Variants in C1D observed in about 807,000 individuals in gnomAD.
C1D encodes the protein C1D nuclear receptor corepressor, also known as nuclear nucleic acid-binding protein C1D.
Under a neutral mutation model 17.5 loss-of-function variants are expected in C1D, and 10 were observed. The observed-to-expected ratio is 0.57, with a 90% CI of 0.35 to 0.97. The LOEUF (loss-of-function observed/expected upper bound fraction) is 0.97, where lower values mean the gene tolerates loss of function less well. Among genes scored for constraint, C1D ranks in the 50% least tolerant of loss-of-function variants. The probability of loss-of-function intolerance (pLI) is 0.01; values close to 1 mark genes in which losing one functional copy is unlikely to be tolerated. For missense variants in C1D, 136 were observed against 160.1 expected (o/e 0.85, Z 0.81); for synonymous variants, 49 against 54.0 (o/e 0.91, Z 0.40).
chr2:68,054,136 C>T lies in C1D; in HGVS notation c.-9-6817G>A, dbSNP rs112488360. ...ATTTGCCCAAGACAGTTCCACCTTA[C>T]GCCTGTTGTTTCAGCTTGCCATCAA... On this transcript the variant is annotated intron_variant, in intron 1 of 4. Transcript: ENST00000410067. 3.4e-3 allele frequency among the ~76,000 whole-genome samples: 511 copies of T among 152,328 alleles called. 2 individuals carry two copies. The highest frequency in any genetic ancestry group is 0.012 in the African/African-American group (487 of 41,578).
At chr2:68,061,294 T>C (rs1206554608) in intron 1 of C1D, among the ~76,000 whole-genome samples, 1 of 152,224 alleles carries the variant, frequency 6.6e-6, no homozygotes, top group Non-Finnish European at 1.5e-5. Flanking sequence ...TCCATGTTAG[T>C]GTTGTCTGTA....
intron 1 of C1D, among the ~76,000 whole-genome samples, chr2:68,049,006 G>A (rs1224237257): frequency 6.6e-6 from 1 of 152,068 alleles, no homozygotes; most frequent in Non-Finnish European, 1.5e-5. Flanking sequence ...AGACCAGCCT[G>A]GCCAACATAG....
chr2:68,046,044 C>G lies in C1D; in HGVS notation c.206-1G>C. ...TTAACTCCTTGGGTTGCCAAATAAA[C>G]TACAAGAGAAAAATTTCATGGAATA... On this transcript the variant is annotated splice_acceptor_variant, in intron 3 of 4. Transcript: ENST00000410067. LOFTEE classifies it high-confidence loss of function. 1 of 1,574,560 alleles carries G rather than the reference C, an allele frequency of 6.4e-7. No homozygotes were observed. The highest frequency in any genetic ancestry group is 8.6e-7 in the Non-Finnish European group (1 of 1,158,280).
chr2:68,055,961 T>C (rs1265956831), intron 1 of C1D, among the ~76,000 whole-genome samples: 8 of 152,194 alleles, frequency 5.3e-5, no homozygotes, highest in South Asian at 2.1e-4. Flanking sequence ...CTCCATTACA[T>C]CTCATTTCAA....
In C1D at chr2:68,041,193, T is replaced by C. The variant is rs1314790509; in HGVS notation, c.*1696A>G. 1 of 151,996 alleles carries C rather than the reference T, an allele frequency of 6.6e-6. No homozygotes were observed. The highest frequency in any genetic ancestry group is 1.5e-5 in the Non-Finnish European group (1 of 67,862). 9.4% of individuals were successfully genotyped at this position (151,996 alleles called of 1,614,324 possible). Reference sequence around the variant, plus strand: ...AAATTATACATAATAAAATGGAATATACTCAAACTTTTATTTCTACCTAAT... The same window carrying C: ...AAATTATACATAATAAAATGGAATACACTCAAACTTTTATTTCTACCTAAT... On this transcript the variant is annotated 3_prime_UTR_variant, in exon 5 of 5. Coordinates refer to ENST00000410067, the MANE Select transcript of C1D (RefSeq NM_173177.3).
rs1400436344 is a variant in C1D at position 68,042,267 on chromosome 2, T to C, written c.*622A>G. The C allele has an allele frequency of 6.6e-6, 1 of 152,574 alleles. No homozygotes were observed. The highest frequency in any genetic ancestry group is 1.5e-5 in the Non-Finnish European group (1 of 67,976). The allele number at this position is 152,574 out of a possible 1,614,324, so 9.5% of individuals were successfully genotyped here. On this transcript the variant is annotated 3_prime_UTR_variant, in exon 5 of 5. Transcript: ENST00000410067. ...TCATGCCAAAATTCATCCATCAACATACAACCTTATTTCCCATCTAAAGTT... is the reference window on the plus strand; with the variant it reads ...TCATGCCAAAATTCATCCATCAACACACAACCTTATTTCCCATCTAAAGTT...
intron 4 of C1D, among the ~76,000 whole-genome samples, chr2:68,045,315 A>G (rs564672239): frequency 6.6e-6 from 1 of 152,322 alleles, no homozygotes; most frequent in African/African-American, 2.4e-5. Flanking sequence ...CTTATTCATA[A>G]AACCAAGTCA....
intron 1 of C1D, among the ~76,000 whole-genome samples, chr2:68,060,095 T>A (rs780818806): frequency 3.9e-5 from 6 of 152,226 alleles, no homozygotes; most frequent in Non-Finnish European, 5.9e-5. Flanking sequence ...CTTCTTCTAG[T>A]TGCTCAAGCC....
chr2:68,059,149 CAGG>C (rs1353791317), intron 1 of C1D, among the ~76,000 whole-genome samples: 1 of 152,206 alleles, frequency 6.6e-6, no homozygotes, highest in African/African-American at 2.4e-5. Flanking sequence ...TGTGACAGGG[CAGG>C]AGAAGTGGCA....
intron 1 of C1D, among the ~76,000 whole-genome samples, chr2:68,058,438 C>T (rs757219560): frequency 6.6e-6 from 1 of 152,274 alleles, no homozygotes; most frequent in East Asian, 1.9e-4. Context: ...AGAAAGCACT[C>T]GATGACAGAG....
chr2:68,060,084 CCTT>C (rs1305362943), intron 1 of C1D, among the ~76,000 whole-genome samples: 3 of 152,210 alleles, frequency 2.0e-5, no homozygotes, highest in South Asian at 2.1e-4. Flanking sequence ...ATGGCAATTC[CCTT>C]CTTCTAGTTG....
intron 1 of C1D, among the ~76,000 whole-genome samples, chr2:68,057,213 T>C (rs1294518025): frequency 6.6e-6 from 1 of 152,176 alleles, no homozygotes; most frequent in Admixed American, 6.5e-5. Context: ...AGTGCAGTGG[T>C]GCGATCTCAA....
rs377695809 is a variant in C1D, at chr2:68,046,047, C to A, written c.206-4G>T. On this transcript the variant is annotated splice_region_variant and splice_polypyrimidine_tract_variant and intron_variant, in intron 3 of 4. Transcript: ENST00000410067. ...ACTCCTTGGGTTGCCAAATAAACTA[C>A]AAGAGAAAAATTTCATGGAATAAAA... 6.4e-7 allele frequency: 1 copy of A among 1,571,150 alleles called. No homozygotes were observed. The highest frequency in any genetic ancestry group is 8.7e-7 in the Non-Finnish European group (1 of 1,155,574).
In C1D at chr2:68,053,222, C is replaced by G. The variant is rs147816733; in HGVS notation, c.-9-5903G>C. On this transcript the variant is annotated intron_variant, in intron 1 of 4. Coordinates refer to ENST00000410067, the MANE Select transcript of C1D (RefSeq NM_173177.3). Reference sequence around the variant, plus strand: ...GTAAGGTGTGGCTGAGACTGAGTACCTGGGTTGCGGGGATGCTGCCCAGTA... The same window carrying G: ...GTAAGGTGTGGCTGAGACTGAGTACGTGGGTTGCGGGGATGCTGCCCAGTA... 1.1e-4 allele frequency: 172 copies of G among 1,546,982 alleles called. No individual in the cohort carries two copies. In the African/African-American group the frequency reaches 2.0e-3, roughly 18 times the overall value.
intron 1 of C1D, among the ~76,000 whole-genome samples, chr2:68,050,265 G>A (rs1235220748): frequency 6.6e-6 from 1 of 150,406 alleles, no homozygotes; most frequent in Admixed American, 6.6e-5. Flanking sequence ...TTACCCATAA[G>A]TTTAAATGTT....
intron 1 of C1D, among the ~76,000 whole-genome samples, chr2:68,056,294 G>A (rs1055917844): frequency 1.2e-4 from 18 of 151,890 alleles, no homozygotes; most frequent in African/African-American, 2.4e-4. Flanking sequence ...TAGGAGAGAC[G>A]GGGTTTCACC....
intron 4 of C1D, among the ~76,000 whole-genome samples, chr2:68,043,678 G>A (rs987187081): frequency 6.6e-6 from 1 of 152,156 alleles, no homozygotes; most frequent in Admixed American, 6.5e-5. Context: ...TGAATCTTCT[G>A]AGACAATTAA....
At chr2:68,059,308 C>T (rs764096268) in intron 1 of C1D, among the ~76,000 whole-genome samples, 7 of 152,200 alleles carry the variant, frequency 4.6e-5, no homozygotes, top group Non-Finnish European at 1.0e-4. Context: ...GGCCTACCTC[C>T]AACACTGGAA....
intron 1 of C1D, among the ~76,000 whole-genome samples, chr2:68,060,360 GGC>G (rs1671585156): frequency 2.0e-5 from 3 of 152,192 alleles, no homozygotes; most frequent in Non-Finnish European, 4.4e-5. Flanking sequence ...ACGTGAGTCA[GGC>G]TGGGCGCAGT....
Sources: allele counts gnomAD v4.1 joint callset (sites outside exome capture counted in the v4.1 genomes callset), GRCh38; gene constraint gnomAD v4.1.1; transcripts MANE v1.5; gene names NCBI Gene and HGNC (gene_info 2026-07-23, HGNC 2026-07-21).